Variants in ASPH observed in about 807,000 individuals in gnomAD.
The protein encoded by ASPH is aspartyl/asparaginyl beta-hydroxylase.
Under a neutral mutation model 118.4 loss-of-function variants are expected in ASPH, and 100 were observed. That is an observed-to-expected ratio of 0.84 (90% CI 0.72 to 1.00). ASPH has a LOEUF of 1.00. ASPH is among the 50% of genes least tolerant of loss of function. ASPH has a pLI of 0.00. For synonymous variants in ASPH, 315 were observed against 325.6 expected, an observed-to-expected ratio of 0.97 and a Z score of 0.35; for missense variants, 920 against 919.5, an observed-to-expected ratio of 1.00 and a Z score of -0.01.
At chr8:61,598,214 C>G (rs776402736) in intron 14 of ASPH, among the ~76,000 whole-genome samples, 2 of 152,160 alleles carry the variant, frequency 1.3e-5, no homozygotes, top group African/African-American at 2.4e-5. Flanking sequence ...CATACCACAA[C>G]TATATTCTGC....
intron 1 of ASPH, among the ~76,000 whole-genome samples, chr8:61,705,222 C>A (rs1488185685): frequency 1.3e-5 from 2 of 152,062 alleles, no homozygotes; most frequent in Non-Finnish European, 2.9e-5. Flanking sequence ...AAGAAGGGAA[C>A]AACAGACACT....
chr8:61,676,250 T>C lies in ASPH; in HGVS notation c.322+4718A>G, dbSNP rs1825300547. The C allele has an allele frequency of 4.4e-6, 7 of 1,593,548 alleles. No individual in the cohort carries two copies. The South Asian group carries it at 6.6e-5, about 15-fold the overall frequency. On this transcript the variant is annotated intron_variant, in intron 3 of 24. Transcript: ENST00000379454. The stretch of plus-strand genomic sequence containing the variant: ...GAAACCATAAAACCAATCTGAACTT[T>C]CCTCTGCTAAAATATTAAGGACTTC...
chr8:61,667,346 C>T (rs1267685365), intron 3 of ASPH, among the ~76,000 whole-genome samples: 1 of 152,046 alleles, frequency 6.6e-6, no homozygotes, highest in Admixed American at 6.6e-5. Flanking sequence ...CTACAAATGG[C>T]TGACAGGTAT....
At chr8:61,579,948 A>G (rs576617434) in intron 15 of ASPH, among the ~76,000 whole-genome samples, 1 of 151,330 alleles carries the variant, frequency 6.6e-6, no homozygotes, top group African/African-American at 2.4e-5. Flanking sequence ...GAAATTCGCC[A>G]AAACAAAGGG....
rs1806585419 is a variant in ASPH at position 61,643,980 on chromosome 8, T to A, written c.674A>T (p.Asp225Val). The A allele has an allele frequency of 6.2e-7, 1 of 1,610,852 alleles. No homozygotes were observed. Among genetic ancestry groups the A allele is most frequent in the South Asian group, 1.1e-5 (1 of 90,856 alleles). ...EETVSQDCNQ[D>V]MEEMMSEQEN... ...CTGCTCAGACATCATCTCTTCCATA[T>A]CCTGATTACAGTCTTGTGAAACTAT... Residue 225 changes from aspartate to valine, a missense_variant, in exon 8 of 25, where the codon GAT becomes GTT. Physicochemically the swap from Asp to Val is radical, Grantham distance 152. Coordinates refer to ENST00000379454, the MANE Select transcript of ASPH (RefSeq NM_004318.4).
At chr8:61,561,161 A>G (rs1485544768) in intron 18 of ASPH, among the ~76,000 whole-genome samples, 1 of 150,490 alleles carries the variant, frequency 6.6e-6, no homozygotes, top group East Asian at 2.0e-4. Flanking sequence ...GAATTCTACA[A>G]GTTCCATTTT....
Position 61,503,328 on chromosome 8 carries a change from C to G in ASPH, c.*31G>C. The G allele has an allele frequency of 1.6e-5, 25 of 1,584,058 alleles. No homozygotes were observed. The highest frequency in any genetic ancestry group is 2.2e-5 in the Non-Finnish European group (25 of 1,161,178). On this transcript the variant is annotated 3_prime_UTR_variant, in exon 25 of 25. Coordinates refer to ENST00000379454, the MANE Select transcript of ASPH (RefSeq NM_004318.4). ...ATGGAACCAGAAAGGCAGCCTCTCT[C>G]CAGAGTTTCCCAAGCTTGCATGAAT...
chr8:61,539,699 G>GGGGGGGTGTGTGTGTGTGTGTGTGTGT (rs1554618405), intron 21 of ASPH, among the ~76,000 whole-genome samples: 1 of 124,214 alleles, frequency 8.1e-6, no homozygotes, highest in African/African-American at 2.8e-5. Flanking sequence ...ACACTTCTGG[G>GGGGGGGTGTGTGTGTGTGTGTGTGTGT]GTGTGTGTGT....
At chr8:61,545,013 G>C (rs1478900751) in intron 21 of ASPH, among the ~76,000 whole-genome samples, 1 of 152,152 alleles carries the variant, frequency 6.6e-6, no homozygotes, top group Non-Finnish European at 1.5e-5. Context: ...CTACCGTATG[G>C]GAAGGTCTGT....
chr8:61,621,882 G>A (rs940142276), intron 13 of ASPH, among the ~76,000 whole-genome samples: 2 of 152,018 alleles, frequency 1.3e-5, no homozygotes, highest in East Asian at 1.9e-4. Context: ...TTAAATATTC[G>A]TATTCAGAAA....
Position 61,651,095 on chromosome 8 carries a change from C to A in ASPH, c.445G>T (p.Glu149Ter). Residue 149 changes from glutamate (E) to a stop codon, truncating the protein, a stop_gained, in exon 5 of 25, where the codon GAA becomes TAA. Transcript: ENST00000379454. LOFTEE classifies it high-confidence loss of function. ...TCATGGAGAAGGGACTGAATTTGTT[C>A]TTTTGCTTCATCTTCGATATTCTGG... ...EPQNIEDEAK[E>*]QIQSLLHEMV... 1 of 1,613,678 alleles carries A rather than the reference C, an allele frequency of 6.2e-7. No individual in the cohort carries two copies. The highest frequency in any genetic ancestry group is 8.5e-7 in the Non-Finnish European group (1 of 1,179,840).
At position 61,530,163 on chromosome 8, in the gene ASPH, C is replaced by T. The variant is rs1817034745; in HGVS notation, c.1765-4051G>A. On this transcript the variant is annotated intron_variant, in intron 21 of 24. Transcript: ENST00000379454. ...GCTCACAAACAGCAGGCAATGCCTA[C>T]ATTTTTAAAAGCCTCTTCTGAAATA... 9.9e-5 allele frequency among the ~76,000 whole-genome samples: 15 copies of T among 152,200 alleles called. 1 individual carries two copies. Among genetic ancestry groups the T allele is most frequent in the Admixed American group, 9.8e-4 (15 of 15,276 alleles).
At chr8:61,572,364 G>T (rs919259877) in intron 16 of ASPH, among the ~76,000 whole-genome samples, 5 of 152,164 alleles carry the variant, frequency 3.3e-5, no homozygotes, top group Admixed American at 6.5e-5. Flanking sequence ...ATCCTGCCCT[G>T]GCTTTTCCTC....
In ASPH at chr8:61,583,973, G is replaced by T; in HGVS notation, c.1033C>A (p.Leu345Ile). The change falls in exon 15 of 25, where the codon CTT becomes ATT. Residue 345 changes from leucine to isoleucine, a missense_variant. Coordinates refer to ENST00000379454, the MANE Select transcript of ASPH (RefSeq NM_004318.4). ...NKFDKTIKAE[L>I]DAAEKLRKRG... The stretch of plus-strand genomic sequence containing the variant: ...TTACGGAGTTTTTCTGCAGCATCAA[G>T]TTCAGCTTTAATAGTCTTATCAAAT... 1.3e-6 allele frequency: 2 copies of T among 1,585,978 alleles called. No individual in the cohort carries two copies. The highest frequency in any genetic ancestry group is 1.7e-6 in the Non-Finnish European group (2 of 1,165,448).
At chr8:61,647,181 G>T (rs1464436917) in intron 5 of ASPH, among the ~76,000 whole-genome samples, 1 of 152,064 alleles carries the variant, frequency 6.6e-6, no homozygotes, top group Non-Finnish European at 1.5e-5. Flanking sequence ...GCTAAAGGAA[G>T]CACTCAATAA....
chr8:61,610,131 A>G (rs567246582), intron 14 of ASPH, among the ~76,000 whole-genome samples: 1 of 152,262 alleles, frequency 6.6e-6, no homozygotes, highest in East Asian at 1.9e-4. Flanking sequence ...TCCTGCTCAC[A>G]TTGTCACAAT....
chr8:61,546,174 C>A (rs1483067586), intron 21 of ASPH, among the ~76,000 whole-genome samples: 1 of 152,220 alleles, frequency 6.6e-6, no homozygotes, highest in East Asian at 1.9e-4. Flanking sequence ...TCAGCCAGCA[C>A]AAGGACAAAG....
intron 13 of ASPH, chr8:61,625,950 C>G: frequency 9.0e-7 from 1 of 1,114,274 alleles, no homozygotes; most frequent in Non-Finnish European, 1.1e-6. Flanking sequence ...TTATTAACCA[C>G]TGTCGGAAAA....
At chr8:61,611,659 T>A (rs532329015) in intron 14 of ASPH, among the ~76,000 whole-genome samples, 1 of 152,208 alleles carries the variant, frequency 6.6e-6, no homozygotes, top group Non-Finnish European at 1.5e-5. Flanking sequence ...GAAATTTAGA[T>A]AGTGAATCCC....
Sources: allele counts gnomAD v4.1 joint callset (sites outside exome capture counted in the v4.1 genomes callset), GRCh38; gene constraint gnomAD v4.1.1; transcripts MANE v1.5; gene names NCBI Gene and HGNC (gene_info 2026-07-23, HGNC 2026-07-21).